The following GPHN variants were observed in gnomAD, a reference collection of about 807,000 sequenced individuals.
The protein encoded by GPHN is gephyrin.
A neutral mutation model predicts 95.5 loss-of-function variants in GPHN; 17 were observed. The observed-to-expected ratio is 0.18, with a 90% CI of 0.12 to 0.27. GPHN has a LOEUF of 0.27. Ranked by LOEUF, GPHN falls within the 10% of genes least tolerant of loss-of-function variation. GPHN has a pLI of 1.00. For missense variants in GPHN, 660 were observed against 978.1 expected (o/e 0.67, Z 4.34); for synonymous variants, 320 against 322.5 (o/e 0.99, Z 0.08).
At chr14:66,900,604 T>C (rs1415758288) in intron 5 of GPHN, among the ~76,000 whole-genome samples, 2 of 151,908 alleles carry the variant, frequency 1.3e-5, no homozygotes, top group African/African-American at 4.8e-5. Context: ...TGAGATTCAC[T>C]TTTTTAGCCC....
intron 13 of GPHN, among the ~76,000 whole-genome samples, chr14:67,101,192 A>G (rs1181228213): frequency 1.5e-5 from 2 of 132,698 alleles, no homozygotes; most frequent in African/African-American, 2.8e-5. Flanking sequence ...TTTTTTCCTG[A>G]AAAAAAAAAT....
the GPHN span, among the ~76,000 whole-genome samples, chr14:67,497,367 C>T: frequency 2.0e-5 from 3 of 152,062 alleles, no homozygotes; most frequent in African/African-American, 7.2e-5. Context: ...GACACTGTAG[C>T]GCAGGCCGAG....
intron 19 of GPHN, among the ~76,000 whole-genome samples, chr14:67,160,348 G>A (rs760977742): frequency 1.9e-4 from 28 of 150,946 alleles, no homozygotes; most frequent in Non-Finnish European, 3.8e-4. Flanking sequence ...TTTTTCCTTT[G>A]CAAGAATGTT....
chr14:67,117,994 G>A (rs1020712032), intron 16 of GPHN, among the ~76,000 whole-genome samples: 6 of 152,034 alleles, frequency 3.9e-5, no homozygotes, highest in Admixed American at 3.9e-4. Flanking sequence ...AGACCACCAG[G>A]GAAACCTGTT....
At chr14:67,194,355 C>T in the GPHN span, among the ~76,000 whole-genome samples, 1 of 149,726 alleles carries the variant, frequency 6.7e-6, no homozygotes, top group Non-Finnish European at 1.5e-5. Flanking sequence ...CAGAGCAAGA[C>T]CTGTAGAAAA....
chr14:67,173,209 G>A (rs1360923104), intron 21 of GPHN, among the ~76,000 whole-genome samples: 1 of 152,142 alleles, frequency 6.6e-6, no homozygotes, highest in Non-Finnish European at 1.5e-5. Context: ...TAGGACCCTG[G>A]CCCCACATCC....
At chr14:67,132,907 C>T (rs1168020082) in intron 17 of GPHN, among the ~76,000 whole-genome samples, 1 of 151,178 alleles carries the variant, frequency 6.6e-6, no homozygotes, top group African/African-American at 2.4e-5. Context: ...TATTTGAATT[C>T]AACAGATGAT....
At chr14:67,266,569 A>G in the GPHN span, among the ~76,000 whole-genome samples, 1 of 151,928 alleles carries the variant, frequency 6.6e-6, no homozygotes, top group Non-Finnish European at 1.5e-5. Flanking sequence ...CAAGTGATCC[A>G]CATGCCTCGG....
chr14:66,852,007 A>C (rs113925688), intron 4 of GPHN, among the ~76,000 whole-genome samples: 1,912 of 152,316 alleles, frequency 0.013, 19 homozygotes, highest in Non-Finnish European at 0.018. Context: ...TAAGGGTTGC[A>C]AAGACTAGTT....
the GPHN span, among the ~76,000 whole-genome samples, chr14:67,404,021 C>T: frequency 1.3e-5 from 2 of 152,028 alleles, no homozygotes; most frequent in African/African-American, 4.8e-5. Context: ...CTACCACACT[C>T]TAGCCTGGGC....
chr14:66,796,503 T>C (rs186662683), intron 3 of GPHN, among the ~76,000 whole-genome samples: 2 of 152,176 alleles, frequency 1.3e-5, no homozygotes, highest in Non-Finnish European at 2.9e-5. Flanking sequence ...TTCTTCACAT[T>C]CTCACCAGCA....
chr14:67,489,608 C>T, the GPHN span, among the ~76,000 whole-genome samples: 5 of 152,176 alleles, frequency 3.3e-5, no homozygotes, highest in Non-Finnish European at 7.3e-5. Flanking sequence ...TTTGCGATGC[C>T]GTCCCACAAC....
At chr14:67,646,607 A>G in the GPHN span, 2 of 1,508,644 alleles carry the variant, frequency 1.3e-6, no homozygotes. Context: ...GAGAACAAGA[A>G]TTCTTGATTA....
At chr14:67,401,349 C>T in the GPHN span, among the ~76,000 whole-genome samples, 2 of 151,618 alleles carry the variant, frequency 1.3e-5, no homozygotes, top group African/African-American at 4.8e-5. Context: ...AATAAATAAA[C>T]AAATAAATAA....
the GPHN span, among the ~76,000 whole-genome samples, chr14:67,708,457 T>A: frequency 1.3e-5 from 2 of 152,128 alleles, no homozygotes; most frequent in Non-Finnish European, 2.9e-5. Flanking sequence ...TAAAACCACC[T>A]TCTAAGGAGG....
In GPHN at chr14:66,699,306, A is replaced by G. The variant is rs564991275; in HGVS notation, c.143+18121A>G. On this transcript the variant is annotated intron_variant, in intron 2 of 22. Coordinates refer to ENST00000478722, the MANE Select transcript of GPHN (RefSeq NM_020806.5). ...CATGGCACATGTATACATATGTAAC[A>G]AACCTGCACATTGTGCACATGTACC... Among the ~76,000 whole-genome samples the G allele has an allele frequency of 2.0e-5, 3 of 152,194 alleles. No homozygotes were observed. The South Asian group carries it at 6.2e-4, about 32-fold the overall frequency.
chr14:67,493,152 G>A, the GPHN span, among the ~76,000 whole-genome samples: 1 of 152,326 alleles, frequency 6.6e-6, no homozygotes, highest in East Asian at 1.9e-4. Context: ...TTGAGAAACA[G>A]CAAGGCCAGA....
At chr14:67,623,514 C>G in the GPHN span, among the ~76,000 whole-genome samples, 1 of 144,036 alleles carries the variant, frequency 6.9e-6, no homozygotes, top group African/African-American at 2.5e-5. Context: ...TAAGGACACT[C>G]AACAGTACTC....
chr14:67,573,370 T>C, the GPHN span: 1 of 1,606,866 alleles, frequency 6.2e-7, no homozygotes, highest in Non-Finnish European at 8.5e-7. The surrounding 1 kb of genome is among the most constrained non-coding windows in gnomAD (Gnocchi z 4.8). Context: ...GGACAGATTA[T>C]GTACTACAAG....
Sources: allele counts gnomAD v4.1 joint callset (sites outside exome capture counted in the v4.1 genomes callset), GRCh38; gene constraint gnomAD v4.1.1; non-coding constraint Gnocchi (gnomAD v3.1); transcripts MANE v1.5; gene names NCBI Gene and HGNC (gene_info 2026-07-23, HGNC 2026-07-21).